DCHS2: variants seen among roughly 807,000 people sequenced by gnomAD.
DCHS2 encodes dachsous cadherin-related 2.
A neutral mutation model predicts 182.4 loss-of-function variants in DCHS2; 142 were observed. That is an observed-to-expected ratio of 0.78 (90% CI 0.68 to 0.89). The LOEUF (loss-of-function observed/expected upper bound fraction) is 0.89. DCHS2 is among the 40% of genes least tolerant of loss of function. DCHS2 has a pLI of 0.00. For missense variants in DCHS2, 4,319 were observed against 4,198.6 expected, an observed-to-expected ratio of 1.03 and a Z score of -0.79; for synonymous variants, 1,740 against 1,663.3, an observed-to-expected ratio of 1.05 and a Z score of -1.12.
intron 1 of DCHS2, among the ~76,000 whole-genome samples, chr4:154,488,079 G>A (rs1015468865): frequency 1.3e-5 from 2 of 152,222 alleles, no homozygotes; most frequent in African/African-American, 2.4e-5. Context: ...TTGGGAGACT[G>A]AGGTGGGAGA....
chr4:154,398,407 A>G (rs977578733), intron 1 of DCHS2, among the ~76,000 whole-genome samples: 4 of 152,186 alleles, frequency 2.6e-5, no homozygotes, highest in Non-Finnish European at 1.5e-5. Flanking sequence ...TCAACAAAAC[A>G]TAGTTACTGT....
At chr4:154,312,266 C>T (rs906592103) in intron 10 of DCHS2, among the ~76,000 whole-genome samples, 3 of 152,196 alleles carry the variant, frequency 2.0e-5, no homozygotes, top group Non-Finnish European at 4.4e-5. Flanking sequence ...CCAGTAAGAT[C>T]GGCTTGTGCT....
chr4:154,295,095 TC>T (rs1393181130), intron 13 of DCHS2, among the ~76,000 whole-genome samples: 1 of 152,218 alleles, frequency 6.6e-6, no homozygotes, highest in Non-Finnish European at 1.5e-5. Flanking sequence ...GTGAATAAAT[TC>T]CCACCCCTGG....
At position 154,236,359 on chromosome 4, in the gene DCHS2, G is replaced by T. The variant is rs768300280; in HGVS notation, c.8293C>A (p.His2765Asn). The T allele has an allele frequency of 5.6e-6, 9 of 1,614,028 alleles. No individual in the cohort carries two copies. The East Asian group carries it at 1.1e-4, about 20-fold the overall frequency. The change falls in exon 20 of 20, where the codon CAT (histidine) becomes AAT (asparagine). Residue 2765 changes from histidine (H) to asparagine (N), a missense_variant. Physicochemically the swap from His to Asn is moderately conservative, Grantham distance 68 (BLOSUM62 1). Coordinates refer to ENST00000357232, the MANE Select transcript of DCHS2 (RefSeq NM_001358235.2). ...CTTGAGAACATAAACTGAGGTGCAT[G>T]GTCGTTATCATCCAGGACACTGACA... ...VFVSVLDDND[H>N]APQFMFSSFS... is the part of the protein sequence containing the mutation.
chr4:154,424,768 A>G lies in DCHS2; in HGVS notation c.2053-47324T>C, dbSNP rs188675764. On this transcript the variant is annotated intron_variant, in intron 1 of 19. Transcript: ENST00000357232. ...TCAAATCAGATGTTTGGCAGAAAAC[A>G]GAAAGATTATCTTCATTCAAGCCCT... Among the ~76,000 whole-genome samples, 12 of 152,334 alleles carry G rather than the reference A, an allele frequency of 7.9e-5. No individual in the cohort carries two copies. In the East Asian group the frequency reaches 1.9e-3, roughly 24 times the overall value.
At chr4:154,315,006 G>A (rs1315443061) in intron 10 of DCHS2, among the ~76,000 whole-genome samples, 1 of 152,082 alleles carries the variant, frequency 6.6e-6, no homozygotes, top group Non-Finnish European at 1.5e-5. Context: ...AACCTTAGTT[G>A]CCAAAACAGC....
intron 1 of DCHS2, among the ~76,000 whole-genome samples, chr4:154,471,131 A>T (rs886735467): frequency 6.6e-6 from 1 of 152,350 alleles, no homozygotes; most frequent in East Asian, 1.9e-4. Context: ...AGATTTTATA[A>T]CCATTGCCAT....
In DCHS2 at chr4:154,490,424, G is replaced by T; in HGVS notation, c.932C>A (p.Pro311Gln). 7 of 1,533,806 alleles carry T rather than the reference G, an allele frequency of 4.6e-6. No individual in the cohort carries two copies. The highest frequency in any genetic ancestry group is 6.1e-6 in the Non-Finnish European group (7 of 1,145,108). ...GCGCACGCGACAGACCTCGGCGCCC[G>T]GCTGGGCGTCCTCGCGCACCGCGGC... Reference protein sequence around the residue: ...YRAAVREDAQPGAEVCRVRAT... With the variant: ...YRAAVREDAQQGAEVCRVRAT... Residue 311 changes from proline (P) to glutamine (Q), a missense_variant, in exon 1 of 20, where the codon CCG becomes CAG. Physicochemically the swap from Pro to Gln is moderately conservative, Grantham distance 76. Transcript: ENST00000357232.
chr4:154,465,439 C>T lies in DCHS2; in HGVS notation c.2052+23865G>A, dbSNP rs757724239. 2.0e-5 allele frequency among the ~76,000 whole-genome samples: 3 copies of T among 152,194 alleles called. No homozygotes were observed. In the South Asian group the frequency reaches 6.2e-4, roughly 32 times the overall value. ...ATCCTAGCAGTTTGGGAGACCAAGG[C>T]GGGTGGGTCACCTGAGGTCGGGAGC... On this transcript the variant is annotated intron_variant, in intron 1 of 19. Coordinates refer to ENST00000357232, the MANE Select transcript of DCHS2 (RefSeq NM_001358235.2).
chr4:154,363,661 AAT>A (rs1204645609), intron 3 of DCHS2, among the ~76,000 whole-genome samples: 1 of 152,238 alleles, frequency 6.6e-6, no homozygotes, highest in Admixed American at 6.5e-5. Flanking sequence ...TATTAATAAT[AAT>A]ATGTTCTATA....
At chr4:154,486,375 C>T in intron 1 of DCHS2, 1 of 1,297,808 alleles carries the variant, frequency 7.7e-7, no homozygotes, top group Non-Finnish European at 1.0e-6. Flanking sequence ...TGTGGAGTAA[C>T]CACTAAGACA....
In DCHS2 at chr4:154,245,477, C is replaced by T. The variant is rs1286349292; in HGVS notation, c.6942-2705G>A. On this transcript the variant is annotated intron_variant, in intron 16 of 19. Coordinates refer to ENST00000357232, the MANE Select transcript of DCHS2 (RefSeq NM_001358235.2). ...TTTGATTGTCTTAACAAGTACTAAA[C>T]TTGTTGGTAGAGGATTTTTCAAAAC... Among the ~76,000 whole-genome samples the T allele has an allele frequency of 2.0e-5, 3 of 151,968 alleles. No homozygotes were observed. The East Asian group carries it at 5.8e-4, about 29-fold the overall frequency.
At chr4:154,363,779 T>A (rs1730228639) in intron 3 of DCHS2, among the ~76,000 whole-genome samples, 2 of 152,192 alleles carry the variant, frequency 1.3e-5, no homozygotes, top group Non-Finnish European at 2.9e-5. Context: ...CGCTTCACAA[T>A]ATACATACAT....
rs775554485 is a variant in DCHS2 at position 154,332,827 on chromosome 4, G to A, written c.3381C>T (p.Ser1127=). 12 of 1,614,108 alleles carry A rather than the reference G, an allele frequency of 7.4e-6. No individual in the cohort carries two copies. The South Asian group carries it at 1.2e-4, about 16-fold the overall frequency. ...ASPLRYSLEP[S]VDSAMFGIRP... The stretch of plus-strand genomic sequence containing the variant: ...GGATTCCAAACATAGCAGAGTCTAC[G>A]CTGGGTTCCAGCGAGTACCTAAGAG... The change falls in exon 5 of 20, where the codon AGC becomes AGT. Residue 1127 remains serine (S), a synonymous_variant. Coordinates refer to ENST00000357232, the MANE Select transcript of DCHS2 (RefSeq NM_001358235.2).
chr4:154,413,440 G>A (rs1732709651), intron 1 of DCHS2, among the ~76,000 whole-genome samples: 1 of 152,128 alleles, frequency 6.6e-6, no homozygotes. Context: ...GCATCTTTGA[G>A]ACATTGCATT....
chr4:154,283,428 A>G (rs1438829673), intron 13 of DCHS2, among the ~76,000 whole-genome samples: 1 of 151,316 alleles, frequency 6.6e-6, no homozygotes, highest in Non-Finnish European at 1.5e-5. Context: ...AGAAGCCAGA[A>G]AACTGCTTAT....
chr4:154,459,595 G>A (rs901096114), intron 1 of DCHS2, among the ~76,000 whole-genome samples: 1 of 151,954 alleles, frequency 6.6e-6, no homozygotes, highest in South Asian at 2.1e-4. Flanking sequence ...GACCCTGCAG[G>A]CTACCTCTCT....
chr4:154,476,928 T>G (rs1348889536), intron 1 of DCHS2, among the ~76,000 whole-genome samples: 5 of 151,190 alleles, frequency 3.3e-5, no homozygotes. Flanking sequence ...AAGGAAGGCT[T>G]CCTAAGGACA....
In DCHS2 at chr4:154,256,017, A is replaced by C. The variant is rs139238859; in HGVS notation, c.6790-347T>G. ...TATATGAATTCATGCTAGCACAAGT[A>C]AAGGGAAAAAATGTTATGGGAAATC... On this transcript the variant is annotated intron_variant, in intron 15 of 19. Coordinates refer to ENST00000357232, the MANE Select transcript of DCHS2 (RefSeq NM_001358235.2). Among the ~76,000 whole-genome samples the C allele has an allele frequency of 4.2e-4, 64 of 152,350 alleles. No individual in the cohort carries two copies. In the East Asian group the frequency reaches 0.012, roughly 28 times the overall value.
Sources: allele counts gnomAD v4.1 joint callset (sites outside exome capture counted in the v4.1 genomes callset), GRCh38; gene constraint gnomAD v4.1.1; transcripts MANE v1.5; gene names NCBI Gene and HGNC (gene_info 2026-07-23, HGNC 2026-07-21).